KCNMA1: variants seen among roughly 807,000 people sequenced by gnomAD.
KCNMA1 encodes the protein Calcium-activated potassium channel subunit alpha-1.
Under a neutral mutation model 140.0 loss-of-function variants are expected in KCNMA1, and 29 were observed. That is an observed-to-expected ratio of 0.21 (90% confidence interval 0.15 to 0.28). The LOEUF is 0.28. Among genes scored for constraint, KCNMA1 ranks in the 10% least tolerant of loss-of-function variants. The pLI is 1.00. For missense variants in KCNMA1, 880 were observed against 1,602.2 expected (o/e 0.55, Z 7.70); for synonymous variants, 612 against 611.9 (o/e 1.00, Z 0.00).
chr10:77,341,812 T>A (rs2090997825), intron 2 of KCNMA1, among the ~76,000 whole-genome samples: 1 of 152,250 alleles, frequency 6.6e-6, no homozygotes, highest in African/African-American at 2.4e-5. Flanking sequence ...GCTCCATTCC[T>A]GCCTCCCTTT....
At chr10:77,312,592 C>T (rs1659514426) in intron 2 of KCNMA1, among the ~76,000 whole-genome samples, 1 of 152,140 alleles carries the variant, frequency 6.6e-6, no homozygotes, top group African/African-American at 2.4e-5. Context: ...TGACACTGCA[C>T]TCCAGTTTGG....
rs749901470 is a variant in KCNMA1, at chr10:77,027,942, CCACATAACACA to C, written c.1860-62_1860-52del. 4.3e-5 allele frequency: 62 copies of C among 1,425,364 alleles called. No homozygotes were observed. The East Asian group carries it at 9.1e-4, about 21-fold the overall frequency. The allele number at this position is 1,425,364 out of a possible 1,614,324, so 88.3% of individuals were successfully genotyped here. A position where few individuals can be genotyped will look rare whatever the true frequency, so the allele number is the denominator to read the frequency against. On this transcript the variant is annotated intron_variant, in intron 15 of 27. Coordinates refer to ENST00000286628, the MANE Select transcript of KCNMA1 (RefSeq NM_001161352.2). ...AATCAGTTCTTCTGAATGACCAGAG[CCACATAACACA>C]CACTATTACGATCTTTCGGTCTCCT...
At chr10:77,261,531 A>G (rs1407874733) in intron 2 of KCNMA1, among the ~76,000 whole-genome samples, 1 of 152,124 alleles carries the variant, frequency 6.6e-6, no homozygotes, top group South Asian at 2.1e-4. Flanking sequence ...ATTTTGCCCA[A>G]ATTAAAAATA....
At chr10:77,242,668 A>G (rs1379849266) in intron 3 of KCNMA1, among the ~76,000 whole-genome samples, 1 of 152,072 alleles carries the variant, frequency 6.6e-6, no homozygotes, top group East Asian at 1.9e-4. Flanking sequence ...TAAATGTCTT[A>G]ATGGAAAAGA....
At chr10:77,540,665 T>A (rs1018138026) in intron 1 of KCNMA1, among the ~76,000 whole-genome samples, 2 of 152,232 alleles carry the variant, frequency 1.3e-5, no homozygotes, top group African/African-American at 4.8e-5. Flanking sequence ...ACTTTCAATG[T>A]TCCCAGAATT....
intron 3 of KCNMA1, among the ~76,000 whole-genome samples, chr10:77,198,566 GTGATAT>G (rs1565160110): frequency 1.2e-5 from 1 of 86,816 alleles, no homozygotes; most frequent in Non-Finnish European, 2.4e-5. Context: ...GCATATATAT[GTGATAT>G]ATATATATAT....
In KCNMA1 at chr10:77,176,847, T is replaced by C. The variant is rs182848752; in HGVS notation, c.808+6574A>G. Among the ~76,000 whole-genome samples, 648 of 152,214 alleles carry C rather than the reference T, an allele frequency of 4.3e-3. 4 individuals are homozygous for C. The highest frequency in any genetic ancestry group is 6.4e-3 in the Non-Finnish European group (434 of 68,012). ...TGGTCATCTACATGCCAGAAGGAAA[T>C]GAACGCAGCAGGCAAATTAAGGTTG... On this transcript the variant is annotated intron_variant, in intron 5 of 27. Transcript: ENST00000286628.
chr10:77,403,880 T>C lies in KCNMA1; in HGVS notation c.522A>G (p.Thr174=), dbSNP rs1446309091. 1 of 1,613,866 alleles carries C rather than the reference T, an allele frequency of 6.2e-7. No individual in the cohort carries two copies. The highest frequency in any genetic ancestry group is 2.2e-5 in the East Asian group (1 of 44,864). The change falls in exon 2 of 28, where the codon ACA becomes ACG. Residue 174 remains threonine (T), a synonymous_variant. Transcript: ENST00000286628. ...DWAGVMISAQ[T]LTGRVLVVLV... ...GACTCACCAGGACTCTGCCAGTCAGTGTCTGGGCGGATATCATCACCCCCG... is the reference window on the plus strand; with the variant it reads ...GACTCACCAGGACTCTGCCAGTCAGCGTCTGGGCGGATATCATCACCCCCG...
intron 1 of KCNMA1, among the ~76,000 whole-genome samples, chr10:77,470,891 T>C (rs925100581): frequency 6.6e-6 from 1 of 152,176 alleles, no homozygotes; most frequent in Non-Finnish European, 1.5e-5. Flanking sequence ...CTATGCCAGC[T>C]GAGGCAGTGA....
intron 15 of KCNMA1, among the ~76,000 whole-genome samples, chr10:77,029,478 G>A (rs1184419027): frequency 6.6e-6 from 1 of 152,092 alleles, no homozygotes; most frequent in African/African-American, 2.4e-5. Flanking sequence ...CATGCCTAAG[G>A]TCTCTAGCTA....
intron 5 of KCNMA1, among the ~76,000 whole-genome samples, chr10:77,128,525 C>A (rs2097789241): frequency 1.3e-5 from 2 of 151,780 alleles, no homozygotes; most frequent in Admixed American, 1.3e-4. Context: ...GTCTCAGCAC[C>A]CCCTACCTGC....
At chr10:77,183,701 G>A (rs1286785479) in intron 4 of KCNMA1, among the ~76,000 whole-genome samples, 169 bp from the exon 5 acceptor site, 2 of 152,270 alleles carry the variant, frequency 1.3e-5, no homozygotes, top group East Asian at 3.9e-4. Context: ...TGGCCAGGCT[G>A]GTCTCGAGCT....
intron 1 of KCNMA1, among the ~76,000 whole-genome samples, chr10:77,472,556 AAGAG>A (rs1320365201): frequency 1.1e-4 from 16 of 152,350 alleles, no homozygotes; most frequent in South Asian, 4.1e-4. Flanking sequence ...AAAAAATAAA[AAGAG>A]AGAGAACTTT....
intron 1 of KCNMA1, among the ~76,000 whole-genome samples, chr10:77,469,482 A>G (rs978887304): frequency 6.6e-6 from 1 of 152,132 alleles, no homozygotes; most frequent in African/African-American, 2.4e-5. Context: ...CGGTTGCCAG[A>G]GGGGACTCCT....
chr10:77,614,284 C>T (rs149280221), intron 1 of KCNMA1, among the ~76,000 whole-genome samples: 15 of 152,278 alleles, frequency 9.9e-5, no homozygotes, highest in African/African-American at 3.1e-4. Flanking sequence ...CTACCAAATG[C>T]CCACCAGAGA....
chr10:77,623,244 A>G (rs1182529735), intron 1 of KCNMA1, among the ~76,000 whole-genome samples: 1 of 152,200 alleles, frequency 6.6e-6, no homozygotes, highest in Admixed American at 6.5e-5. Context: ...AAAAGGGACC[A>G]ATTAAAAATA....
At chr10:77,309,584 C>A (rs1345438644) in intron 2 of KCNMA1, 1 of 152,244 alleles carries the variant, frequency 6.6e-6, no homozygotes, top group Admixed American at 6.5e-5. Flanking sequence ...CCACACTGAA[C>A]CTGGCTGGCT....
chr10:77,012,128 A>G (rs886740114), intron 17 of KCNMA1, 85 bp from the exon 18 acceptor site: 1 of 1,606,424 alleles, frequency 6.2e-7, no homozygotes, highest in African/African-American at 1.3e-5. Flanking sequence ...GGTGGTGCCA[A>G]ATTAATGAAA....
chr10:76,962,005 C>T (rs541890089), intron 20 of KCNMA1, among the ~76,000 whole-genome samples: 1 of 152,308 alleles, frequency 6.6e-6, no homozygotes, highest in Admixed American at 6.5e-5. Context: ...GCAAGAAATG[C>T]CACTTGGCAT....
Sources: allele counts gnomAD v4.1 joint callset (sites outside exome capture counted in the v4.1 genomes callset), GRCh38; gene constraint gnomAD v4.1.1; transcripts MANE v1.5; gene names NCBI Gene and HGNC (gene_info 2026-07-23, HGNC 2026-07-21).